MSRA: variants seen among roughly 807,000 people sequenced by gnomAD.
MSRA encodes the protein mitochondrial peptide methionine sulfoxide reductase.
Under a neutral mutation model 31.3 loss-of-function variants are expected in MSRA, and 54 were observed. The observed-to-expected ratio is 1.73, with a 90% CI of 1.39 to 2.17. The LOEUF is 2.17. Ranked by LOEUF, MSRA falls within the 30% of genes most tolerant of loss-of-function variation. The pLI, the probability that MSRA is intolerant of heterozygous loss-of-function variation, is 0.00. For missense variants in MSRA, 507 were observed against 300.9 expected (o/e 1.69, Z -5.07); for synonymous variants, 169 against 116.5 (o/e 1.45, Z -2.90).
intron 2 of MSRA, among the ~76,000 whole-genome samples, chr8:10,214,135 G>A (rs977724107): frequency 6.6e-6 from 1 of 152,154 alleles, no homozygotes; most frequent in African/African-American, 2.4e-5. Flanking sequence ...AAGCCAAGCC[G>A]AGGACTTAGG....
At chr8:10,427,903 G>A (rs1809284146) in intron 5 of MSRA, among the ~76,000 whole-genome samples, 1 of 152,188 alleles carries the variant, frequency 6.6e-6, no homozygotes, top group Admixed American at 6.5e-5. Context: ...GGGGTAGAGT[G>A]TAAGTTACTG....
intron 3 of MSRA, among the ~76,000 whole-genome samples, chr8:10,281,012 G>T (rs996775498): frequency 1.3e-5 from 2 of 152,198 alleles, no homozygotes; most frequent in African/African-American, 4.8e-5. Context: ...GAGATGGTGG[G>T]TTTGGGAATG....
intron 3 of MSRA, among the ~76,000 whole-genome samples, chr8:10,289,332 G>A (rs1040523891): frequency 6.6e-6 from 1 of 151,896 alleles, no homozygotes; most frequent in Non-Finnish European, 1.5e-5. Context: ...ATTTTTGTGT[G>A]TACATAGTAG....
chr8:10,093,579 G>C (rs1798965516), intron 1 of MSRA, among the ~76,000 whole-genome samples: 2 of 152,066 alleles, frequency 1.3e-5, no homozygotes, highest in Non-Finnish European at 2.9e-5. Context: ...ATAGAAAAAA[G>C]AGTACATTTA....
intron 1 of MSRA, among the ~76,000 whole-genome samples, chr8:10,136,042 A>G (rs796508596): frequency 1.6e-4 from 23 of 143,360 alleles, no homozygotes; most frequent in African/African-American, 5.6e-4. Flanking sequence ...GCTGACTGTG[A>G]GGCTGGGACT....
At chr8:10,302,868 C>G (rs570678691) in intron 4 of MSRA, among the ~76,000 whole-genome samples, 16 of 152,192 alleles carry the variant, frequency 1.1e-4, no homozygotes, top group Admixed American at 9.2e-4. Context: ...ACCGGTAGGA[C>G]AAGAACACTC....
chr8:10,113,768 T>C (rs12114195), intron 1 of MSRA, among the ~76,000 whole-genome samples: 35,241 of 151,688 alleles, frequency 0.23, 4,448 homozygotes, highest in East Asian at 0.39. Context: ...TTTGCATTTT[T>C]TTTTTTTTTA....
chr8:10,214,436 C>T (rs1288735697), intron 2 of MSRA, among the ~76,000 whole-genome samples: 2 of 152,104 alleles, frequency 1.3e-5, no homozygotes, highest in African/African-American at 4.8e-5. Flanking sequence ...AAGAAAACAA[C>T]ATTGGAAGCA....
At chr8:10,413,020 A>G (rs960645656) in intron 5 of MSRA, among the ~76,000 whole-genome samples, 3 of 152,226 alleles carry the variant, frequency 2.0e-5, no homozygotes, top group Non-Finnish European at 4.4e-5. Flanking sequence ...ACCCATTCCC[A>G]AATGTTTACA....
At chr8:10,171,541 G>A (rs1805589171) in intron 1 of MSRA, among the ~76,000 whole-genome samples, 1 of 152,158 alleles carries the variant, frequency 6.6e-6, no homozygotes, top group Non-Finnish European at 1.5e-5. Flanking sequence ...TGAGTAAAAT[G>A]TAAGAAGAAA....
intron 5 of MSRA, among the ~76,000 whole-genome samples, chr8:10,360,520 C>G (rs1280751535): frequency 6.6e-6 from 1 of 152,094 alleles, no homozygotes; most frequent in Non-Finnish European, 1.5e-5. Flanking sequence ...TGCCATCATC[C>G]CAGAGCCCCC....
At chr8:10,392,861 A>AT (rs1806837720) in intron 5 of MSRA, among the ~76,000 whole-genome samples, 1 of 134,288 alleles carries the variant, frequency 7.4e-6, no homozygotes, top group South Asian at 2.4e-4. Context: ...TCTGGCTAAC[A>AT]TGGTAAAACC....
At chr8:10,252,913 A>G (rs1423029488) in intron 3 of MSRA, among the ~76,000 whole-genome samples, 4 of 152,210 alleles carry the variant, frequency 2.6e-5, no homozygotes, top group Non-Finnish European at 5.9e-5. Context: ...CTCTGGCAGT[A>G]TCTAGGCGAA....
intron 5 of MSRA, among the ~76,000 whole-genome samples, chr8:10,374,463 C>CTATG (rs1805648297): frequency 6.6e-6 from 1 of 152,112 alleles, no homozygotes; most frequent in African/African-American, 2.4e-5. Flanking sequence ...CGCAAGAACA[C>CTATG]TATGAGGAAG....
chr8:10,165,581 G>T (rs1321933622), intron 1 of MSRA, among the ~76,000 whole-genome samples: 2 of 152,162 alleles, frequency 1.3e-5, no homozygotes, highest in South Asian at 2.1e-4. Context: ...AAAATGAGTG[G>T]CAGTCTGTGC....
At chr8:10,388,691 G>A (rs1183869854) in intron 5 of MSRA, among the ~76,000 whole-genome samples, 1 of 152,088 alleles carries the variant, frequency 6.6e-6, no homozygotes, top group Non-Finnish European at 1.5e-5. Flanking sequence ...TTCTTTGTAA[G>A]TGGAGCTAAT....
chr8:10,383,761 G>T (rs1268141246), intron 5 of MSRA, among the ~76,000 whole-genome samples: 1 of 152,242 alleles, frequency 6.6e-6, no homozygotes, highest in Middle Eastern at 3.4e-3. Flanking sequence ...GAAACTGTAG[G>T]GTGCTTTGAG....
At chr8:10,263,475 A>C (rs973779069) in intron 3 of MSRA, among the ~76,000 whole-genome samples, 1 of 152,208 alleles carries the variant, frequency 6.6e-6, no homozygotes, top group African/African-American at 2.4e-5. Flanking sequence ...TGCCATATGC[A>C]TTTTTCTGAA....
intron 5 of MSRA, among the ~76,000 whole-genome samples, chr8:10,400,416 G>A (rs1807387034): frequency 6.6e-6 from 1 of 151,196 alleles, no homozygotes; most frequent in Admixed American, 6.6e-5. Context: ...GATACACGGT[G>A]GATGAATGAG....
Sources: gnomAD v4.1 joint callset for allele counts (sites outside exome capture counted in the v4.1 genomes callset) on GRCh38, gnomAD v4.1.1 for gene constraint, MANE v1.5 for transcripts, NCBI Gene and HGNC (gene_info 2026-07-23, HGNC 2026-07-21) for gene names.